The following SRRM3 variants were observed in gnomAD, a reference collection of about 807,000 sequenced individuals.
SRRM3 encodes serine/arginine repetitive matrix protein 3.
A neutral mutation model predicts 66.2 loss-of-function variants in SRRM3; 27 were observed. The observed-to-expected ratio is 0.41, with a 90% CI of 0.30 to 0.56. The LOEUF (loss-of-function observed/expected upper bound fraction) is 0.56. Ranked by LOEUF, SRRM3 falls within the 20% of genes least tolerant of loss-of-function variation. SRRM3 has a pLI of 0.32. For synonymous variants in SRRM3, 391 were observed against 414.9 expected (o/e 0.94, Z 0.70); for missense variants, 918 against 991.9 (o/e 0.93, Z 1.00).
intron 3 of SRRM3, among the ~76,000 whole-genome samples, chr7:76,253,628 T>A (rs1005787291): frequency 7.5e-5 from 11 of 147,436 alleles, no homozygotes; most frequent in Non-Finnish European, 1.5e-4. Flanking sequence ...CTCAAAAAAA[T>A]TAAAAAAATA....
chr7:76,251,050 G>A (rs1801568930), intron 3 of SRRM3, among the ~76,000 whole-genome samples: 1 of 152,216 alleles, frequency 6.6e-6, no homozygotes. Context: ...CCTGGCTAAT[G>A]GGAAACAGGA....
intron 1 of SRRM3, among the ~76,000 whole-genome samples, chr7:76,210,767 G>A (rs1554601626): frequency 6.6e-6 from 1 of 151,990 alleles, no homozygotes; most frequent in African/African-American, 2.4e-5. Context: ...TAAAAAAATG[G>A]GAGGAGCAGG....
In SRRM3 at chr7:76,267,250, A is replaced by G. The variant is rs1267951158; in HGVS notation, c.831-8A>G. On this transcript the variant is annotated splice_region_variant and splice_polypyrimidine_tract_variant and intron_variant, in intron 10 of 14. Transcript: ENST00000611745. ...GACTCCCCCATTCTTCCTGGCGCCT[A>G]ACCCCAGGCTGAGCCCCAAGCACCG... is the stretch of plus-strand genomic sequence containing the variant. 3 of 1,530,446 alleles carry G rather than the reference A, an allele frequency of 2.0e-6. No homozygotes were observed. The African/African-American group carries it at 4.4e-5, about 22-fold the overall frequency. The allele number at this position is 1,530,446 out of a possible 1,614,324, so 94.8% of individuals were successfully genotyped here.
intron 6 of SRRM3, 41 bp from the exon 7 acceptor site, chr7:76,261,311 C>A: frequency 5.4e-6 from 2 of 367,036 alleles, no homozygotes; most frequent in Non-Finnish European, 1.1e-5. Context: ...CCCCCCACCC[C>A]CCACCCCAGC....
At chr7:76,233,179 C>T (rs782725290) in intron 1 of SRRM3, among the ~76,000 whole-genome samples, 5 of 152,144 alleles carry the variant, frequency 3.3e-5, no homozygotes, top group Admixed American at 1.3e-4. Context: ...GGTATGGTGG[C>T]ACATGCCTGT....
intron 1 of SRRM3, among the ~76,000 whole-genome samples, chr7:76,225,947 C>A (rs1205729333): frequency 6.6e-6 from 1 of 152,108 alleles, no homozygotes; most frequent in Non-Finnish European, 1.5e-5. Flanking sequence ...CTCCTGTCTC[C>A]CTCTCAAATC....
At chr7:76,226,655 A>T (rs1197833530) in intron 1 of SRRM3, among the ~76,000 whole-genome samples, 1 of 152,036 alleles carries the variant, frequency 6.6e-6, no homozygotes, top group Non-Finnish European at 1.5e-5. Flanking sequence ...CAACGGTGTG[A>T]TCTCAGCTCA....
chr7:76,266,269 T>TATA (rs1563635085), intron 10 of SRRM3, among the ~76,000 whole-genome samples: 3 of 75,534 alleles, frequency 4.0e-5, no homozygotes, highest in African/African-American at 1.3e-4. Context: ...TATATTTATA[T>TATA]TTAATTATAT....
intron 1 of SRRM3, among the ~76,000 whole-genome samples, chr7:76,226,903 C>A (rs1800878398): frequency 6.6e-6 from 1 of 152,178 alleles, no homozygotes; most frequent in South Asian, 2.1e-4. Context: ...GTGCCACACA[C>A]TTAGAGTTAG....
intron 1 of SRRM3, among the ~76,000 whole-genome samples, chr7:76,218,276 C>T (rs1800617447): frequency 6.6e-6 from 1 of 152,230 alleles, no homozygotes; most frequent in African/African-American, 2.4e-5. Context: ...AGGTGGCTCT[C>T]CCTCCATATC....
At chr7:76,262,489 T>TGG (rs1316961074) in intron 8 of SRRM3, among the ~76,000 whole-genome samples, 33 of 124,594 alleles carry the variant, frequency 2.6e-4, no homozygotes, top group Non-Finnish European at 4.5e-4. Context: ...CACTCCAGCC[T>TGG]GGGTGACACA....
chr7:76,238,086 C>G (rs1554605165), intron 2 of SRRM3, among the ~76,000 whole-genome samples: 1 of 152,206 alleles, frequency 6.6e-6, no homozygotes, highest in African/African-American at 2.4e-5. Flanking sequence ...CTGCCCTCCC[C>G]ATCCTCAGCA....
At chr7:76,211,446 G>A (rs1283029527) in intron 1 of SRRM3, among the ~76,000 whole-genome samples, 2 of 152,144 alleles carry the variant, frequency 1.3e-5, no homozygotes, top group Non-Finnish European at 2.9e-5. Context: ...GCCAGGTGAG[G>A]CAGCCTAGCC....
chr7:76,237,700 C>T (rs1228981520), intron 2 of SRRM3, among the ~76,000 whole-genome samples: 2 of 152,014 alleles, frequency 1.3e-5, no homozygotes, highest in African/African-American at 4.8e-5. Context: ...ACAAGGTGTT[C>T]CCTGCACTTT....
chr7:76,203,846 G>A (rs1207607306), intron 1 of SRRM3, among the ~76,000 whole-genome samples: 1 of 151,832 alleles, frequency 6.6e-6, no homozygotes, highest in Non-Finnish European at 1.5e-5. Flanking sequence ...CAATGCCAGT[G>A]TCTTGATTTA....
intron 11 of SRRM3, among the ~76,000 whole-genome samples, chr7:76,278,130 G>T (rs782276929): frequency 7.2e-5 from 11 of 152,170 alleles, no homozygotes; most frequent in Admixed American, 2.0e-4. Context: ...CTCCTGGAGT[G>T]GGGGGAGTAT....
intron 11 of SRRM3, among the ~76,000 whole-genome samples, chr7:76,274,465 G>C (rs1802291098): frequency 6.6e-6 from 1 of 152,246 alleles, no homozygotes; most frequent in African/African-American, 2.4e-5. Flanking sequence ...ACTTAGCAAA[G>C]TCTCTGTGAG....
chr7:76,266,237 A>AT (rs1219596772), intron 10 of SRRM3, among the ~76,000 whole-genome samples: 1 of 120,426 alleles, frequency 8.3e-6, no homozygotes, highest in African/African-American at 3.5e-5. Flanking sequence ...TATTTAATAT[A>AT]TATAAATATT....
intron 3 of SRRM3, 24 bp from the exon 4 acceptor site, chr7:76,259,882 G>T: frequency 6.2e-7 from 1 of 1,600,042 alleles, no homozygotes; most frequent in Non-Finnish European, 8.5e-7. Flanking sequence ...CGAGACTGGT[G>T]GTGAGCGTCC....
Sources: allele counts gnomAD v4.1 joint callset (sites outside exome capture counted in the v4.1 genomes callset), GRCh38; gene constraint gnomAD v4.1.1; transcripts MANE v1.5; gene names NCBI Gene and HGNC (gene_info 2026-07-23, HGNC 2026-07-21).